The following TRPV1 variants were observed in gnomAD, a reference collection of about 807,000 sequenced individuals.
TRPV1 encodes the protein transient receptor potential cation channel subfamily V member 1.
TRPV1 carries 82 observed loss-of-function variants against 82.3 expected under a neutral mutation model. That is an observed-to-expected ratio of 1.00 (90% CI 0.83 to 1.20). The LOEUF is 1.20. TRPV1 is among the 50% of genes most tolerant of loss of function. The pLI is 0.00. For synonymous variants in TRPV1, 515 were observed against 467.7 expected (o/e 1.10, Z -1.30); for missense variants, 1,067 against 1,096.8 (o/e 0.97, Z 0.38).
chr17:3,605,405 G>A (rs1209856223), intron 2 of TRPV1, among the ~76,000 whole-genome samples: 1 of 151,984 alleles, frequency 6.6e-6, no homozygotes, highest in Admixed American at 6.6e-5. Context: ...AGCTACTCGC[G>A]AGGCTGAGGC....
At position 3,577,841 on chromosome 17, in the gene TRPV1, C is replaced by T. The variant is rs528371461; in HGVS notation, c.1548-78G>A. The T allele has an allele frequency of 7.9e-5, 112 of 1,415,818 alleles. No homozygotes were observed. In the South Asian group the frequency reaches 8.0e-4, roughly 10 times the overall value. The allele number at this position is 1,415,818 out of a possible 1,614,324, so 87.7% of individuals were successfully genotyped here. ...ACCCCCAGAACAAAAGGTCACAGGCCGCTCAGAGGTCCAGACTGCAGGCCG... is the reference window on the plus strand; with the variant it reads ...ACCCCCAGAACAAAAGGTCACAGGCTGCTCAGAGGTCCAGACTGCAGGCCG... On this transcript the variant is annotated intron_variant, in intron 11 of 16. Coordinates refer to ENST00000572705, the MANE Select transcript of TRPV1 (RefSeq NM_080704.4).
rs564485341 is a variant in TRPV1, at chr17:3,580,743, A to G, written c.1477-216T>C. On this transcript the variant is annotated intron_variant, in intron 10 of 16. Transcript: ENST00000572705. ...TAAAAATACACAGTGGAAGCCGGGC[A>G]TGGTGGCTCACGCCTGTCATCCCAG... Among the ~76,000 whole-genome samples the G allele has an allele frequency of 2.4e-4, 36 of 152,344 alleles. 1 individual carries two copies. Among genetic ancestry groups the G allele is most frequent in the East Asian group, 9.6e-4 (5 of 5,184 alleles).
Position 3,607,264 on chromosome 17 carries a change from A to T in TRPV1, c.-34+1163T>A, listed in dbSNP as rs551625300. On this transcript the variant is annotated intron_variant, in intron 2 of 16. Coordinates refer to ENST00000572705, the MANE Select transcript of TRPV1 (RefSeq NM_080704.4). Reference sequence around the variant, plus strand: ...GAGGCTGAGGTACAAGAATTGCTTGAACCCGGGAGGTGGAGGTTGCAGTGG... The same window carrying T: ...GAGGCTGAGGTACAAGAATTGCTTGTACCCGGGAGGTGGAGGTTGCAGTGG... 7.9e-5 allele frequency among the ~76,000 whole-genome samples: 12 copies of T among 151,964 alleles called. 1 individual carries two copies. The South Asian group carries it at 2.3e-3, about 29-fold the overall frequency.
At chr17:3,585,028 G>A (rs528451144) in intron 9 of TRPV1, 2 of 152,494 alleles carry the variant, frequency 1.3e-5, no homozygotes, top group African/African-American at 4.8e-5. Context: ...GAGCAAGTGA[G>A]TGAATGAAAG....
At chr17:3,570,942 C>A (rs1029171997) in intron 16 of TRPV1, among the ~76,000 whole-genome samples, 1 of 152,144 alleles carries the variant, frequency 6.6e-6, no homozygotes, top group South Asian at 2.1e-4. Context: ...GTCTCAAACT[C>A]CCGGCCTCAG....
Position 3,603,952 on chromosome 17 carries a change from G to A in TRPV1, c.-34+4475C>T, listed in dbSNP as rs139315283. 4.6e-3 allele frequency among the ~76,000 whole-genome samples: 708 copies of A among 152,282 alleles called. 2 individuals carry two copies. The highest frequency in any genetic ancestry group is 7.9e-3 in the Non-Finnish European group (539 of 68,016). ...TGGTCTCTGCGCTCAAGAAGCCCAC[G>A]ATGGACAGGAAAGGAAGATGTGCAC... On this transcript the variant is annotated intron_variant, in intron 2 of 16. Coordinates refer to ENST00000572705, the MANE Select transcript of TRPV1 (RefSeq NM_080704.4).
At position 3,592,403 on chromosome 17, in the gene TRPV1, G is replaced by T; in HGVS notation, c.-33-20C>A. Reference sequence around the variant, plus strand: ...TGCAACCTGCAGCAGCCACCACGCCGGGGTTGACTCCCAAAGTAAGGACTG... The same window carrying T: ...TGCAACCTGCAGCAGCCACCACGCCTGGGTTGACTCCCAAAGTAAGGACTG... On this transcript the variant is annotated intron_variant, in intron 2 of 16. Coordinates refer to ENST00000572705, the MANE Select transcript of TRPV1 (RefSeq NM_080704.4). 1 of 1,526,698 alleles carries T rather than the reference G, an allele frequency of 6.6e-7. No homozygotes were observed. The highest frequency in any genetic ancestry group is 8.8e-7 in the Non-Finnish European group (1 of 1,137,072). The allele number at this position is 1,526,698 out of a possible 1,614,324, so 94.6% of individuals were successfully genotyped here.
At position 3,598,847 on chromosome 17, in the gene TRPV1, G is replaced by A. The variant is rs200281999; in HGVS notation, c.-33-6464C>T. The stretch of plus-strand genomic sequence containing the variant: ...CTCCCAAAGTGCTGGGATCATAGGC[G>A]TGAGCCACCGCGCCTGGCCGCTTAG... On this transcript the variant is annotated intron_variant, in intron 2 of 16. Coordinates refer to ENST00000572705, the MANE Select transcript of TRPV1 (RefSeq NM_080704.4). Among the ~76,000 whole-genome samples, 20 of 150,202 alleles carry A rather than the reference G, an allele frequency of 1.3e-4. No homozygotes were observed. The East Asian group carries it at 2.4e-3, about 18-fold the overall frequency.
At chr17:3,599,182 T>C (rs951964222) in intron 2 of TRPV1, among the ~76,000 whole-genome samples, 3 of 151,962 alleles carry the variant, frequency 2.0e-5, no homozygotes, top group African/African-American at 7.3e-5. Context: ...GAGGTTGCAG[T>C]GAACCAAGAT....
rs1457146201 is a variant in TRPV1 at position 3,589,960 on chromosome 17, G to A, written c.891C>T (p.Asp297=). Residue 297 remains aspartate, a synonymous_variant, in exon 7 of 17, where the codon GAC becomes GAT. Transcript: ENST00000572705. ...CAAACTTCGTGTTGTCGGCCGTGTT[G>A]TCGGCCACCTCCACCAGGGCGTGCA... is the stretch of plus-strand genomic sequence containing the variant. ...TVLHALVEVA[D]NTADNTKFVT... is the part of the protein sequence containing the mutation. 6.4e-7 allele frequency: 1 copy of A among 1,564,396 alleles called. No individual in the cohort carries two copies. The highest frequency in any genetic ancestry group is 1.4e-5 in the African/African-American group (1 of 73,568).
chr17:3,579,641 A>C (rs978318382), intron 11 of TRPV1, among the ~76,000 whole-genome samples: 5 of 151,936 alleles, frequency 3.3e-5, no homozygotes, highest in Admixed American at 2.6e-4. Flanking sequence ...ATGCCTGCCT[A>C]ATTTTTGTAT....
chr17:3,587,592 G>A (rs1167906651), intron 8 of TRPV1, among the ~76,000 whole-genome samples: 2 of 152,202 alleles, frequency 1.3e-5, no homozygotes, highest in South Asian at 2.1e-4. Flanking sequence ...GCCAAGGAGG[G>A]CGGATCACCT....
At chr17:3,572,054 C>CA in intron 15 of TRPV1, 68 bp downstream of exon 15, 1 of 1,569,822 alleles carries the variant, frequency 6.4e-7, no homozygotes, top group Non-Finnish European at 8.7e-7. Flanking sequence ...GGCCCTGAGG[C>CA]AGGCTCTGTG....
chr17:3,572,417 T>C (rs1170738074), intron 14 of TRPV1, among the ~76,000 whole-genome samples, 168 bp from the exon 15 acceptor site: 2 of 151,930 alleles, frequency 1.3e-5, no homozygotes. Flanking sequence ...CTGGCGGGGG[T>C]ACACTGTATA....
rs1284763159 is a variant in TRPV1, at chr17:3,573,876, G to T, written c.1860C>A (p.Ala620=). 6.2e-7 allele frequency: 1 copy of T among 1,608,610 alleles called. No homozygotes were observed. Residue 620 remains alanine (A), a synonymous_variant, in exon 14 of 17, where the codon GCC becomes GCA. Coordinates refer to ENST00000572705, the MANE Select transcript of TRPV1 (RefSeq NM_080704.4). ...TGTAGGAGCTATCGGGGGGCCTGCAGGCAGGCCCCCGCCACCTGTGCGACG... is the reference window on the plus strand; with the variant it reads ...TGTAGGAGCTATCGGGGGGCCTGCATGCAGGCCCCCGCCACCTGTGCGACG... ...ESTSHRWRGP[A]CRPPDSSYNS...
Position 3,588,205 on chromosome 17 carries a change from T to C in TRPV1, c.1207A>G (p.Ser403Gly), listed in dbSNP as rs200232754. ...CCACTCACAGGGGTCTCGCTGCTGC[T>C]GTAGGCGATCACCTCCAGCACCGAG... ...KNSVLEVIAYSSSETPNRHDM... is the reference protein window; with the variant it reads ...KNSVLEVIAYGSSETPNRHDM... Residue 403 changes from serine to glycine, a missense_variant, in exon 8 of 17, where the codon AGC (serine) becomes GGC (glycine). Physicochemically the swap from Ser to Gly is moderately conservative, Grantham distance 56. Coordinates refer to ENST00000572705, the MANE Select transcript of TRPV1 (RefSeq NM_080704.4). The C allele has an allele frequency of 2.2e-5, 34 of 1,567,030 alleles. No homozygotes were observed. The highest frequency in any genetic ancestry group is 2.9e-5 in the Non-Finnish European group (33 of 1,156,356).
intron 16 of TRPV1, among the ~76,000 whole-genome samples, chr17:3,567,707 C>CA (rs745877860): frequency 6.6e-6 from 1 of 150,566 alleles, no homozygotes; most frequent in South Asian, 2.1e-4. Flanking sequence ...GAGCACCAGC[C>CA]AAAGAGGCAG....
chr17:3,598,996 TG>T (rs1263628314), intron 2 of TRPV1, among the ~76,000 whole-genome samples: 1 of 149,690 alleles, frequency 6.7e-6, no homozygotes, highest in Admixed American at 6.7e-5. Context: ...CCCAGCACTT[TG>T]GGAGGCCGAG....
intron 2 of TRPV1, among the ~76,000 whole-genome samples, chr17:3,599,646 C>T (rs1424394646): frequency 5.8e-4 from 68 of 118,150 alleles, no homozygotes; most frequent in African/African-American, 1.9e-3. Flanking sequence ...TTTTTTTTTT[C>T]GAGATGAAGT....
Sources: allele counts gnomAD v4.1 joint callset (sites outside exome capture counted in the v4.1 genomes callset), GRCh38; gene constraint gnomAD v4.1.1; transcripts MANE v1.5; gene names NCBI Gene and HGNC (gene_info 2026-07-23, HGNC 2026-07-21).